Variants in PCDH15 observed in about 807,000 individuals in gnomAD.
PCDH15 encodes the protein protocadherin related 15.
A neutral mutation model predicts 178.5 loss-of-function variants in PCDH15; 129 were observed. The ratio of observed to expected loss-of-function variants is 0.72; its 90% confidence interval spans 0.63 to 0.84. The LOEUF (loss-of-function observed/expected upper bound fraction) is 0.84. Among genes scored for constraint, PCDH15 ranks in the 40% least tolerant of loss-of-function variants. The pLI is 0.00. For synonymous variants in PCDH15, 800 were observed against 732.0 expected (o/e 1.09, Z -1.50); for missense variants, 2,230 against 2,099.9 (o/e 1.06, Z -1.21).
chr10:53,886,955 G>A (rs1189621241), intron 26 of PCDH15, among the ~76,000 whole-genome samples: 1 of 152,040 alleles, frequency 6.6e-6, no homozygotes, highest in Non-Finnish European at 1.5e-5. Context: ...TAAAACATCA[G>A]CAAGGACTGT....
In PCDH15 at chr10:55,015,801, C is replaced by T. The variant is rs117466702; in HGVS notation, c.-79-118301G>A. ...CTTGTTTTATGTCCCCTGAACCTACCTTTGATTTCAGCTTAGGGAAGCTCA... is the reference window on the plus strand; with the variant it reads ...CTTGTTTTATGTCCCCTGAACCTACTTTTGATTTCAGCTTAGGGAAGCTCA... On this transcript the variant is annotated intron_variant, in intron 2 of 5. Coordinates refer to the PCDH15 transcript ENST00000458638. Among the ~76,000 whole-genome samples, 1,470 of 152,220 alleles carry T rather than the reference C, an allele frequency of 9.7e-3. 16 individuals are homozygous for T. Among genetic ancestry groups the T allele is most frequent in the Middle Eastern group, 0.027 (8 of 294 alleles).
intron 1 of PCDH15, among the ~76,000 whole-genome samples, chr10:55,188,950 C>T (rs1411089698): frequency 1.3e-5 from 2 of 151,480 alleles, no homozygotes; most frequent in East Asian, 3.9e-4. Context: ...TCATCAAAAT[C>T]AACAATTAAA....
chr10:54,472,181 C>T lies in PCDH15; in HGVS notation c.157+55631G>A, dbSNP rs1280043219. Reference sequence around the variant, plus strand: ...TAAATATATTTTCAGGCAGATTCTACATATTGTTCTGCTGCAAAAAATGTT... The same window carrying T: ...TAAATATATTTTCAGGCAGATTCTATATATTGTTCTGCTGCAAAAAATGTT... On this transcript the variant is annotated intron_variant, in intron 3 of 37. Coordinates refer to ENST00000644397, the MANE Select transcript of PCDH15 (RefSeq NM_001384140.1). Among the ~76,000 whole-genome samples, 3 of 151,814 alleles carry T rather than the reference C, an allele frequency of 2.0e-5. No individual in the cohort carries two copies. In the East Asian group the frequency reaches 5.8e-4, roughly 29 times the overall value.
chr10:54,548,232 T>A (rs1387787899), intron 2 of PCDH15, among the ~76,000 whole-genome samples: 1 of 147,978 alleles, frequency 6.8e-6, no homozygotes, highest in African/African-American at 2.4e-5. Context: ...TATAAAATAC[T>A]CACATGTTTT....
upstream of PCDH15, among the ~76,000 whole-genome samples, chr10:54,804,385 T>C (rs1214670775): frequency 1.2e-4 from 19 of 152,196 alleles, no homozygotes; most frequent in Admixed American, 1.2e-3. Flanking sequence ...CATTCCCTGT[T>C]AATAACTGCA....
intron 1 of PCDH15, among the ~76,000 whole-genome samples, chr10:54,731,215 TA>T (rs1651022774): frequency 6.6e-6 from 1 of 151,198 alleles, no homozygotes; most frequent in Non-Finnish European, 1.5e-5. Context: ...TGCAATGAGC[TA>T]TTATCTTACC....
At chr10:54,818,254 A>G (rs1952978960) in intron 3 of PCDH15, among the ~76,000 whole-genome samples, 2 of 152,084 alleles carry the variant, frequency 1.3e-5, no homozygotes, top group African/African-American at 4.8e-5. Context: ...TTTACTTAAG[A>G]AGAGAATAAA....
chr10:54,394,269 T>C (rs1950916665), intron 3 of PCDH15, among the ~76,000 whole-genome samples: 1 of 152,144 alleles, frequency 6.6e-6, no homozygotes, highest in African/African-American at 2.4e-5. Context: ...CCTTAGAAGA[T>C]ACACGTAAAT....
intron 37 of PCDH15, chr10:53,809,640 G>A: frequency 2.5e-6 from 3 of 1,202,952 alleles, no homozygotes; most frequent in South Asian, 2.9e-5. Flanking sequence ...GAATCTGTGG[G>A]TGATAGCTTC....
At chr10:55,563,051 C>T (rs982291719) in intron 2 of PCDH15, among the ~76,000 whole-genome samples, 6 of 151,936 alleles carry the variant, frequency 3.9e-5, no homozygotes, top group African/African-American at 1.4e-4. Context: ...GAGCTGTGCA[C>T]GTATTTCTGC....
At chr10:54,559,519 G>T (rs1207041973) in intron 2 of PCDH15, among the ~76,000 whole-genome samples, 1 of 152,036 alleles carries the variant, frequency 6.6e-6, no homozygotes, top group Non-Finnish European at 1.5e-5. Context: ...ATTTGTGTAT[G>T]TGGTCTGATT....
chr10:55,580,323 T>C (rs573434482), intron 2 of PCDH15, among the ~76,000 whole-genome samples: 45 of 152,078 alleles, frequency 3.0e-4, no homozygotes, highest in African/African-American at 6.3e-4. Flanking sequence ...CTTCTAAATA[T>C]ATGGCTATAT....
intron 2 of PCDH15, among the ~76,000 whole-genome samples, chr10:55,625,974 T>C (rs1448480652): frequency 2.0e-5 from 3 of 152,150 alleles, no homozygotes; most frequent in African/African-American, 4.8e-5. Context: ...ACGTAGTATA[T>C]ACCCAGGAAA....
chr10:54,531,870 G>A (rs1003203179), intron 2 of PCDH15, among the ~76,000 whole-genome samples: 6 of 152,002 alleles, frequency 3.9e-5, no homozygotes, highest in South Asian at 2.1e-4. Context: ...TATCATAGCC[G>A]AAAACTGGAT....
intron 8 of PCDH15, among the ~76,000 whole-genome samples, chr10:54,264,054 A>C (rs879204011): frequency 6.6e-6 from 1 of 152,102 alleles, no homozygotes; most frequent in South Asian, 2.1e-4. Flanking sequence ...AGGGGCTCTC[A>C]GGCCTTCAGT....
chr10:55,515,825 A>G (rs531275204), intron 2 of PCDH15, among the ~76,000 whole-genome samples: 1 of 152,276 alleles, frequency 6.6e-6, no homozygotes, highest in Admixed American at 6.5e-5. Context: ...GTTTACATTC[A>G]AGCCTTTGTG....
Position 55,101,154 on chromosome 10 carries a change from G to A in PCDH15, c.-80+65422C>T, listed in dbSNP as rs897559781. ...AGCACTTTGGGAGGCAGAGGCGAGC[G>A]GATCACCTGAGGTCAGGAGTTTGAG... On this transcript the variant is annotated intron_variant, in intron 2 of 5. Transcript: ENST00000458638. Among the ~76,000 whole-genome samples the A allele has an allele frequency of 5.3e-5, 8 of 152,060 alleles. No homozygotes were observed. The East Asian group carries it at 1.6e-3, about 30-fold the overall frequency.
chr10:55,161,857 C>T (rs1396904480), intron 2 of PCDH15, among the ~76,000 whole-genome samples: 7 of 152,242 alleles, frequency 4.6e-5, no homozygotes, highest in Non-Finnish European at 1.0e-4. Context: ...GGTTTCTCTT[C>T]AAGTAATTGC....
intron 1 of PCDH15, among the ~76,000 whole-genome samples, chr10:54,688,615 G>T (rs1031882597): frequency 6.6e-6 from 1 of 152,004 alleles, no homozygotes; most frequent in Non-Finnish European, 1.5e-5. Flanking sequence ...GCTTACATAG[G>T]TTTTCTCCTT....
Sources: gnomAD v4.1 joint callset for allele counts (sites outside exome capture counted in the v4.1 genomes callset) on GRCh38, gnomAD v4.1.1 for gene constraint, MANE v1.5 for transcripts, NCBI Gene and HGNC (gene_info 2026-07-23, HGNC 2026-07-21) for gene names.